The following MAP3K9 variants were observed in gnomAD, a reference collection of about 807,000 sequenced individuals.
MAP3K9 encodes the protein mitogen-activated protein kinase kinase kinase 9.
MAP3K9 carries 46 observed loss-of-function variants against 95.8 expected under a neutral mutation model. The observed-to-expected ratio is 0.48, with a 90% CI of 0.38 to 0.61. MAP3K9 has a LOEUF of 0.61. Among genes scored for constraint, MAP3K9 ranks in the 20% least tolerant of loss-of-function variants. The pLI, the probability that MAP3K9 is intolerant of heterozygous loss-of-function variation, is 0.00. For missense variants in MAP3K9, 1,296 were observed against 1,474.3 expected (o/e 0.88, Z 1.98); for synonymous variants, 533 against 593.8 (o/e 0.90, Z 1.49).
chr14:70,793,174 G>C (rs2054824890), intron 2 of MAP3K9, among the ~76,000 whole-genome samples: 1 of 152,230 alleles, frequency 6.6e-6, no homozygotes, highest in Non-Finnish European at 1.5e-5. Context: ...GGCTCCAGCA[G>C]CTCCTAGCAG....
intron 2 of MAP3K9, among the ~76,000 whole-genome samples, chr14:70,791,380 G>A (rs562791325): frequency 3.4e-4 from 52 of 152,292 alleles, no homozygotes; most frequent in Admixed American, 3.3e-3. Context: ...GCTACTTGCT[G>A]CCCCACTGAG....
At chr14:70,803,049 C>A (rs1315391386) in intron 1 of MAP3K9, among the ~76,000 whole-genome samples, 3 of 152,018 alleles carry the variant, frequency 2.0e-5, no homozygotes, top group Non-Finnish European at 2.9e-5. Context: ...CACACAAGAT[C>A]TGGTTGTTTA....
Position 70,749,972 on chromosome 14 carries a change from G to C in MAP3K9, c.1111C>G (p.Pro371Ala). ...VAMNKLALPI[P>A]STCPEPFAKL... ...GCAAAAGGTTCTGGGCACGTAGAAG[G>C]AATAGGAAGGGCGAGTTTGTTCATG... Residue 371 changes from proline to alanine, a missense_variant, in exon 4 of 12, where the codon CCT becomes GCT. Physicochemically the swap from Pro to Ala is conservative, Grantham distance 27. Coordinates refer to ENST00000554752, the MANE Select transcript of MAP3K9 (RefSeq NM_001284230.2). 2.5e-6 allele frequency: 4 copies of C among 1,614,178 alleles called. No individual in the cohort carries two copies. The Admixed American group carries it at 5.0e-5, about 20-fold the overall frequency.
At position 70,726,579 on chromosome 14, in the gene MAP3K9, CAAGTT is replaced by C. The variant is rs2053823384; in HGVS notation, c.*3796_*3800del. 2 of 152,182 alleles carry C rather than the reference CAAGTT, an allele frequency of 1.3e-5. No homozygotes were observed. The highest frequency in any genetic ancestry group is 4.8e-5 in the African/African-American group (2 of 41,434). 9.4% of individuals were successfully genotyped at this position (152,182 alleles called of 1,614,324 possible). On this transcript the variant is annotated 3_prime_UTR_variant, in exon 12 of 12. Transcript: ENST00000554752. ...GATGACATTGGCAGACAGCATCAGA[CAAGTT>C]AAGTGGGGGAATTAGGAAAGAATGC...
chr14:70,772,393 G>C (rs1002613113), intron 2 of MAP3K9, among the ~76,000 whole-genome samples: 2 of 152,214 alleles, frequency 1.3e-5, no homozygotes, highest in African/African-American at 4.8e-5. Flanking sequence ...GAGAGAGAGA[G>C]AGAGCATTCA....
At chr14:70,732,151 C>T (rs910457203) in intron 11 of MAP3K9, among the ~76,000 whole-genome samples, 1 of 152,180 alleles carries the variant, frequency 6.6e-6, no homozygotes, top group African/African-American at 2.4e-5. Flanking sequence ...CTCCCACATG[C>T]AGTGCAAGAT....
chr14:70,741,987 A>C (rs1198518089), intron 6 of MAP3K9, among the ~76,000 whole-genome samples: 1 of 152,182 alleles, frequency 6.6e-6, no homozygotes, highest in East Asian at 1.9e-4. Context: ...TTGCAGAGCC[A>C]AAACTTCTCG....
At chr14:70,743,615 A>AC (rs1197165408) in intron 5 of MAP3K9, among the ~76,000 whole-genome samples, 1 of 152,210 alleles carries the variant, frequency 6.6e-6, no homozygotes, top group Non-Finnish European at 1.5e-5. Context: ...AAGCTCATCA[A>AC]CACTGGTCAC....
At chr14:70,743,110 C>T (rs1006073663) in intron 5 of MAP3K9, among the ~76,000 whole-genome samples, 8 of 151,878 alleles carry the variant, frequency 5.3e-5, no homozygotes, top group South Asian at 2.1e-4. Context: ...TCTCAGCCAC[C>T]GGAGTAGCTG....
chr14:70,771,629 A>T (rs2054533125), intron 2 of MAP3K9, among the ~76,000 whole-genome samples: 1 of 152,094 alleles, frequency 6.6e-6, no homozygotes, highest in South Asian at 2.1e-4. Context: ...CCTACCTCTG[A>T]CATTCCTGGA....
At position 70,738,300 on chromosome 14, in the gene MAP3K9, G is replaced by C. The variant is rs142599599; in HGVS notation, c.1789C>G (p.Arg597Gly). 1.2e-6 allele frequency: 2 copies of C among 1,613,838 alleles called. No individual in the cohort carries two copies. Among genetic ancestry groups the C allele is most frequent in the Non-Finnish European group, 1.7e-6 (2 of 1,179,936 alleles). Residue 597 changes from arginine to glycine, a missense_variant, in exon 8 of 12, where the codon CGG becomes GGG. Physicochemically the swap from Arg to Gly is moderately radical, Grantham distance 125. Around this residue, in one of 5 missense-constraint regions of MAP3K9, gnomAD observed 377 missense variants for 417.1 expected, o/e 0.90. Transcript: ENST00000554752. ...EEKRAPKKKGRTWGPGTLGQK... is the reference protein window; with the variant it reads ...EEKRAPKKKGGTWGPGTLGQK... ...CCAAGCGTCCCTGGCCCCCACGTCC[G>C]TCCCTTCTTCTTTGGGGCCCTCTTC...
intron 2 of MAP3K9, among the ~76,000 whole-genome samples, chr14:70,762,507 A>G (rs1319136366): frequency 6.6e-6 from 1 of 152,182 alleles, no homozygotes; most frequent in African/African-American, 2.4e-5. Flanking sequence ...GATATTGAAC[A>G]TCTATCTTCT....
chr14:70,799,893 C>T (rs1007795782), intron 2 of MAP3K9, among the ~76,000 whole-genome samples: 1 of 152,168 alleles, frequency 6.6e-6, no homozygotes, highest in African/African-American at 2.4e-5. Flanking sequence ...GTCCTCTTTA[C>T]CACCCAGTTT....
chr14:70,753,414 T>C (rs763859063), intron 3 of MAP3K9, among the ~76,000 whole-genome samples: 1 of 152,178 alleles, frequency 6.6e-6, no homozygotes, highest in Non-Finnish European at 1.5e-5. Context: ...ATGTTTACAA[T>C]GGAAGGTGGG....
At chr14:70,760,141 G>GCACACACACACACACACA (rs60112409) in intron 3 of MAP3K9, among the ~76,000 whole-genome samples, 1 of 147,700 alleles carries the variant, frequency 6.8e-6, no homozygotes, top group Non-Finnish European at 1.5e-5. Context: ...AAATAAACGT[G>GCACACACACACACACACA]CACACACACA....
intron 2 of MAP3K9, among the ~76,000 whole-genome samples, chr14:70,796,450 C>T (rs1175225893): frequency 1.3e-5 from 2 of 152,262 alleles, no homozygotes; most frequent in East Asian, 1.9e-4. Flanking sequence ...CGATGCATGT[C>T]CTGCATTAAG....
chr14:70,765,969 A>G (rs943754729), intron 2 of MAP3K9, among the ~76,000 whole-genome samples: 6 of 152,046 alleles, frequency 3.9e-5, no homozygotes, highest in African/African-American at 9.7e-5. Context: ...GCGTAAGTCA[A>G]TGGGGGCCTG....
At chr14:70,738,207 T>C (rs2054012081) in intron 8 of MAP3K9, 38 bp downstream of exon 8, 1 of 1,579,396 alleles carries the variant, frequency 6.3e-7, no homozygotes, top group Non-Finnish European at 8.6e-7. Context: ...TACATCCATC[T>C]TCAAGAGAGA....
At chr14:70,801,902 C>A (rs1451472884) in intron 1 of MAP3K9, among the ~76,000 whole-genome samples, 1 of 152,104 alleles carries the variant, frequency 6.6e-6, no homozygotes, top group Non-Finnish European at 1.5e-5. Context: ...ATTAGGACCT[C>A]CAGGGAGTCT....
Sources: gnomAD v4.1 joint callset for allele counts (sites outside exome capture counted in the v4.1 genomes callset) on GRCh38, gnomAD v4.1.1 for gene constraint, gnomAD v4.1.1 regional missense constraint, MANE v1.5 for transcripts, NCBI Gene and HGNC (gene_info 2026-07-23, HGNC 2026-07-21) for gene names.